Variants in CERS6 observed in about 807,000 individuals in gnomAD.
CERS6 encodes ceramide synthase 6.
CERS6 carries 26 observed loss-of-function variants against 56.8 expected under a neutral mutation model. The ratio of observed to expected loss-of-function variants is 0.46; its 90% CI spans 0.34 to 0.63. The LOEUF (loss-of-function observed/expected upper bound fraction) is 0.63. Among genes scored for constraint, CERS6 ranks in the 30% least tolerant of loss-of-function variants. CERS6 has a pLI of 0.01. For missense variants in CERS6, 415 were observed against 467.5 expected (o/e 0.89, Z 1.04); for synonymous variants, 164 against 173.3 (o/e 0.95, Z 0.42).
intron 8 of CERS6, among the ~76,000 whole-genome samples, chr2:168,755,034 C>G (rs1450136064): frequency 6.6e-6 from 1 of 152,188 alleles, no homozygotes; most frequent in Admixed American, 6.5e-5. Flanking sequence ...CCTCCCAAAG[C>G]TCTGGGATTA....
At chr2:168,602,794 G>C (rs1683966655) in intron 3 of CERS6, among the ~76,000 whole-genome samples, 1 of 152,248 alleles carries the variant, frequency 6.6e-6, no homozygotes, top group South Asian at 2.1e-4. Flanking sequence ...CCACTCTTTG[G>C]TTCTTGGACA....
At chr2:168,763,856 C>A (rs1211778234) in intron 8 of CERS6, among the ~76,000 whole-genome samples, 1 of 152,052 alleles carries the variant, frequency 6.6e-6, no homozygotes, top group Non-Finnish European at 1.5e-5. Flanking sequence ...AGGAGGAGAG[C>A]AGAGAGTAAG....
rs1258626357 is a variant in CERS6, at chr2:168,671,135, A to T, written c.466-19899A>T. On this transcript the variant is annotated intron_variant, in intron 4 of 9. Transcript: ENST00000305747. ...GCCACCACACCTAGCTAATTTTTGT[A>T]TTTTTTTTTTCAGTAGAGACAGGGT... Among the ~76,000 whole-genome samples the T allele has an allele frequency of 3.4e-5, 5 of 147,860 alleles. No homozygotes were observed. The East Asian group carries it at 7.9e-4, about 23-fold the overall frequency.
chr2:168,592,367 C>T (rs560784793), intron 3 of CERS6, among the ~76,000 whole-genome samples: 39 of 152,004 alleles, frequency 2.6e-4, no homozygotes, highest in Non-Finnish European at 2.4e-4. Context: ...GAGCTCAGGA[C>T]GTGGGAAAGG....
chr2:168,735,759 G>A (rs1683696405), intron 8 of CERS6, among the ~76,000 whole-genome samples: 1 of 151,448 alleles, frequency 6.6e-6, no homozygotes. Flanking sequence ...TCACATACCT[G>A]TAGTCCCTGC....
chr2:168,502,056 G>T (rs1694590097), intron 1 of CERS6, among the ~76,000 whole-genome samples: 1 of 151,792 alleles, frequency 6.6e-6, no homozygotes, highest in Admixed American at 6.6e-5. Context: ...CCTGGAGGGG[G>T]CTTTAGGGAC....
chr2:168,547,103 T>C (rs1248406377), intron 1 of CERS6, among the ~76,000 whole-genome samples: 1 of 152,174 alleles, frequency 6.6e-6, no homozygotes, highest in Non-Finnish European at 1.5e-5. Context: ...CCATGAGGGA[T>C]TGGGGCTGAA....
chr2:168,478,713 AG>A (rs1469326300), intron 1 of CERS6, among the ~76,000 whole-genome samples: 4 of 152,284 alleles, frequency 2.6e-5, no homozygotes, highest in Non-Finnish European at 2.9e-5. Flanking sequence ...GGAGCTGGTT[AG>A]GCTTCAGCTA....
Position 168,722,747 on chromosome 2 carries a change from A to T in CERS6, c.845+4769A>T, listed in dbSNP as rs529351938. Reference sequence around the variant, plus strand: ...TGTCTAATAAGCCAGGAGGTCAGACACGTTTGCACAGCCCTTTCTCCTCTC... The same window carrying T: ...TGTCTAATAAGCCAGGAGGTCAGACTCGTTTGCACAGCCCTTTCTCCTCTC... On this transcript the variant is annotated intron_variant, in intron 8 of 9. Coordinates refer to ENST00000305747, the MANE Select transcript of CERS6 (RefSeq NM_203463.3). Among the ~76,000 whole-genome samples the T allele has an allele frequency of 3.3e-5, 5 of 152,314 alleles. No homozygotes were observed. In the South Asian group the frequency reaches 1.0e-3, roughly 32 times the overall value.
intron 1 of CERS6, among the ~76,000 whole-genome samples, chr2:168,522,076 ATATTTTTGT>A (rs770758941): frequency 8.5e-5 from 13 of 152,266 alleles, no homozygotes; most frequent in Non-Finnish European, 1.8e-4. Context: ...CGCAAATGAT[ATATTTTTGT>A]GACTTTGTTT....
intron 6 of CERS6, among the ~76,000 whole-genome samples, chr2:168,696,995 T>G (rs1417075334): frequency 6.6e-6 from 1 of 152,172 alleles, no homozygotes. Flanking sequence ...TAATGTATCA[T>G]TTCTTGGTTA....
chr2:168,612,318 T>G (rs995058610), intron 3 of CERS6, among the ~76,000 whole-genome samples: 1 of 152,214 alleles, frequency 6.6e-6, no homozygotes. Context: ...GTTGAAAATT[T>G]CCAACTGATT....
At chr2:168,561,169 T>G in intron 2 of CERS6, 23 bp from the exon 3 acceptor site, 2 of 1,612,618 alleles carry the variant, frequency 1.2e-6, no homozygotes, top group Non-Finnish European at 1.7e-6. Context: ...TGAAAATTAT[T>G]TTTCTGGTAC....
intron 1 of CERS6, among the ~76,000 whole-genome samples, chr2:168,473,019 G>T (rs955144336): frequency 6.6e-6 from 1 of 152,050 alleles, no homozygotes; most frequent in Non-Finnish European, 1.5e-5. Context: ...CCTTAAAAAC[G>T]TATCTTTTCA....
chr2:168,592,949 T>G (rs1683709695), intron 3 of CERS6, among the ~76,000 whole-genome samples: 1 of 152,206 alleles, frequency 6.6e-6, no homozygotes, highest in Non-Finnish European at 1.5e-5. Context: ...ACTCAGGGTG[T>G]CAACCTAGCT....
Position 168,769,548 on chromosome 2 carries a change from A to T in CERS6, c.1041A>T (p.Ser347=). 1 of 1,611,374 alleles carries T rather than the reference A, an allele frequency of 6.2e-7. No individual in the cohort carries two copies. Among genetic ancestry groups the T allele is most frequent in the Non-Finnish European group, 8.5e-7 (1 of 1,179,218 alleles). The part of the protein sequence containing the change: ...KDDRSDIESS[S]DEEDSEPPGK... ...ATCGAAGTGATATTGAGTCTAGCTC[A>T]GATGAGGAGGACTCAGAACCTCCGG... Residue 347 remains serine, a synonymous_variant, in exon 10 of 10, where the codon TCA becomes TCT. Coordinates refer to ENST00000305747, the MANE Select transcript of CERS6 (RefSeq NM_203463.3).
At chr2:168,608,781 C>T (rs1291922908) in intron 3 of CERS6, among the ~76,000 whole-genome samples, 1 of 152,114 alleles carries the variant, frequency 6.6e-6, no homozygotes, top group African/African-American at 2.4e-5. Context: ...TAATGACTTG[C>T]AAACATTTTC....
chr2:168,472,425 A>G (rs543819034), intron 1 of CERS6, among the ~76,000 whole-genome samples: 1 of 152,314 alleles, frequency 6.6e-6, no homozygotes, highest in African/African-American at 2.4e-5. Flanking sequence ...CACTTAAGGA[A>G]TAGTAGGTTC....
At position 168,472,662 on chromosome 2, in the gene CERS6, C is replaced by G. The variant is rs1661299635; in HGVS notation, c.170+16044C>G. Among the ~76,000 whole-genome samples the G allele has an allele frequency of 1.3e-5, 2 of 152,166 alleles. 1 individual carries two copies. Among genetic ancestry groups the G allele is most frequent in the South Asian group, 4.1e-4 (2 of 4,834 alleles). ...AGGCCATAGTCAGAACATCCATTTT[C>G]TTTTCCACCTTATTTGATTAATATA... On this transcript the variant is annotated intron_variant, in intron 1 of 9. Coordinates refer to ENST00000305747, the MANE Select transcript of CERS6 (RefSeq NM_203463.3).
Sources: allele counts gnomAD v4.1 joint callset (sites outside exome capture counted in the v4.1 genomes callset), GRCh38; gene constraint gnomAD v4.1.1; transcripts MANE v1.5; gene names NCBI Gene and HGNC (gene_info 2026-07-23, HGNC 2026-07-21).